The following IGSF9B variants were observed in gnomAD, a reference collection of about 807,000 sequenced individuals.
The protein encoded by IGSF9B is immunoglobulin superfamily member 9B.
IGSF9B carries 48 observed loss-of-function variants against 143.7 expected under a neutral mutation model. That is an observed-to-expected ratio of 0.33 (90% CI 0.26 to 0.42). The LOEUF (loss-of-function observed/expected upper bound fraction) is 0.42, where lower values mean the gene tolerates loss of function less well. IGSF9B is among the 20% of genes least tolerant of loss of function. The pLI is 1.00. For missense variants in IGSF9B, 1,706 were observed against 1,980.0 expected, an observed-to-expected ratio of 0.86 and a Z score of 2.63; for synonymous variants, 903 against 833.1, an observed-to-expected ratio of 1.08 and a Z score of -1.44.
chr11:133,922,753 T>TCATGG, intron 15 of IGSF9B, 23 bp from the exon 16 acceptor site: 3 of 1,536,796 alleles, frequency 2.0e-6, no homozygotes, highest in Non-Finnish European at 2.6e-6. Flanking sequence ...TGGGGAGCAC[T>TCATGG]CATGAGCCCA....
At position 133,903,392 on chromosome 11, in the gene IGSF9B, G is replaced by A. The variant is rs148349315; in HGVS notation, c.*5677C>T. 5.1e-4 allele frequency among the ~76,000 whole-genome samples: 78 copies of A among 152,276 alleles called. No homozygotes were observed. Among genetic ancestry groups the A allele is most frequent in the African/African-American group, 1.7e-3 (72 of 41,542 alleles). ...CTCTCCCAGCCAGGGCTCCAAAGCC[G>A]GTAGCTTTTCACCAGCTCTCGTCCG... On this transcript the variant is annotated 3_prime_UTR_variant, in exon 20 of 20. Coordinates refer to ENST00000533871, the MANE Select transcript of IGSF9B (RefSeq NM_001277285.4).
rs1443098122 is a variant in IGSF9B, at chr11:133,926,896, A to G, written c.1807+20T>C. The stretch of plus-strand genomic sequence containing the variant: ...CACCTCTACAACCCCCGCTCCCAAC[A>G]TCCCACCCCGGGCCCTCACCTAAAG... On this transcript the variant is annotated intron_variant, in intron 13 of 19. Coordinates refer to ENST00000533871, the MANE Select transcript of IGSF9B (RefSeq NM_001277285.4). 1 of 1,556,910 alleles carries G rather than the reference A, an allele frequency of 6.4e-7. No individual in the cohort carries two copies. The highest frequency in any genetic ancestry group is 8.7e-7 in the Non-Finnish European group (1 of 1,145,534).
intron 19 of IGSF9B, among the ~76,000 whole-genome samples, chr11:133,910,699 G>A (rs1378820361): frequency 6.6e-6 from 1 of 152,206 alleles, no homozygotes; most frequent in East Asian, 1.9e-4. Flanking sequence ...CTGGGCTAAA[G>A]ACAGACATTT....
intron 16 of IGSF9B, 84 bp downstream of exon 16, chr11:133,922,485 C>T (rs1939559054): frequency 1.5e-6 from 2 of 1,329,540 alleles, no homozygotes; most frequent in South Asian, 2.7e-5. Flanking sequence ...CCAAGGGGGG[C>T]CATGCTAAAA....
intron 1 of IGSF9B, among the ~76,000 whole-genome samples, chr11:133,949,473 G>T (rs1273369270): frequency 6.6e-6 from 1 of 152,130 alleles, no homozygotes; most frequent in Non-Finnish European, 1.5e-5. Context: ...AATCAGGCTA[G>T]CAGTAAAGAG....
rs781389593 is a variant in IGSF9B, at chr11:133,920,079, G to A, written c.3646C>T (p.Pro1216Ser). 1.0e-5 allele frequency: 16 copies of A among 1,532,316 alleles called. No homozygotes were observed. The highest frequency in any genetic ancestry group is 2.3e-5 in the East Asian group (1 of 44,072). The allele number at this position is 1,532,316 out of a possible 1,614,324, so 94.9% of individuals were successfully genotyped here. ...QSPLSSRTGS[P>S]ELAARARPRP... The stretch of plus-strand genomic sequence containing the variant: ...GGCCGGGCACGGGCGGCGAGCTCAG[G>A]GGAGCCGGTGCGGGAGCTGAGGGGG... The change falls in exon 18 of 20, where the codon CCT becomes TCT. Residue 1216 changes from proline to serine, a missense_variant. Transcript: ENST00000533871.
chr11:133,944,365 G>T lies in IGSF9B; in HGVS notation c.264C>A (p.Gly88=). 1 of 1,613,176 alleles carries T rather than the reference G, an allele frequency of 6.2e-7. No individual in the cohort carries two copies. The highest frequency in any genetic ancestry group is 8.5e-7 in the Non-Finnish European group (1 of 1,179,800). Residue 88 remains glycine, a splice_region_variant and synonymous_variant, in exon 3 of 20, where the codon GGC becomes GGA. Coordinates refer to ENST00000533871, the MANE Select transcript of IGSF9B (RefSeq NM_001277285.4). ...YPPHVDPEYA[G]RASLHDKASL... ...ATGCCTTATCATGAAGACTGGCCCG[G>T]CCTGGGGGAATAGAGCAGACAAAAG...
rs1441074925 is a variant in IGSF9B at position 133,897,624 on chromosome 11, A to G, written c.*11445T>C. Reference sequence around the variant, plus strand: ...ACAGACAGGTTATACAGAGTGTAGAATATGTTCATATAAGGCTTTGGTACA... The same window carrying G: ...ACAGACAGGTTATACAGAGTGTAGAGTATGTTCATATAAGGCTTTGGTACA... On this transcript the variant is annotated 3_prime_UTR_variant, in exon 20 of 20. Transcript: ENST00000533871. 3.3e-5 allele frequency: 5 copies of G among 152,152 alleles called. No homozygotes were observed. The highest frequency in any genetic ancestry group is 7.4e-5 in the Non-Finnish European group (5 of 68,026). 9.4% of individuals were successfully genotyped at this position (152,152 alleles called of 1,614,324 possible). A position where few individuals can be genotyped will look rare whatever the true frequency, so the allele number is the denominator to read the frequency against.
intron 5 of IGSF9B, among the ~76,000 whole-genome samples, chr11:133,936,474 A>ACT: frequency 6.6e-6 from 1 of 152,042 alleles, no homozygotes; most frequent in South Asian, 2.1e-4. Flanking sequence ...GAGAAAGGCA[A>ACT]CTCTTTTCAA....
chr11:133,942,717 T>C (rs1939973874), intron 3 of IGSF9B, among the ~76,000 whole-genome samples: 1 of 152,218 alleles, frequency 6.6e-6, no homozygotes, highest in Non-Finnish European at 1.5e-5. Flanking sequence ...TTTGCCTTCC[T>C]AATTACACTT....
intron 4 of IGSF9B, 26 bp downstream of exon 4, chr11:133,937,784 C>T (rs769791989): frequency 3.7e-6 from 6 of 1,601,022 alleles, no homozygotes; most frequent in Non-Finnish European, 4.3e-6. Flanking sequence ...GAGACCGCAG[C>T]GGCCCCAACC....
At chr11:133,916,999 G>A (rs1939395864) in intron 18 of IGSF9B, among the ~76,000 whole-genome samples, 1 of 152,184 alleles carries the variant, frequency 6.6e-6, no homozygotes, top group Admixed American at 6.5e-5. Flanking sequence ...TATAGCTACA[G>A]ATGGTAAAGA....
chr11:133,909,761 TG>T lies in IGSF9B; in HGVS notation c.4106-485del, dbSNP rs1939272284. Among the ~76,000 whole-genome samples, 1 of 152,222 alleles carries T rather than the reference TG, an allele frequency of 6.6e-6. No homozygotes were observed. The highest frequency in any genetic ancestry group is 2.4e-5 in the African/African-American group (1 of 41,440). ...CCTCTCCTCTGCCTCATGGCCCTTC[TG>T]GAGATTAATCAGGAATGCCTTTGCT... is the stretch of plus-strand genomic sequence containing the variant. On this transcript the variant is annotated intron_variant, in intron 19 of 19. Transcript: ENST00000533871. The surrounding 1 kb of genome is among the most constrained non-coding windows in gnomAD (Gnocchi z 4.2).
intron 1 of IGSF9B, chr11:133,952,320 G>A (rs1940175178): frequency 1.5e-5 from 4 of 267,864 alleles, no homozygotes; most frequent in African/African-American, 8.8e-5. Context: ...CACACCCTCA[G>A]GGAGACAGAG....
chr11:133,940,680 C>T (rs765048814), intron 3 of IGSF9B, among the ~76,000 whole-genome samples: 6 of 148,764 alleles, frequency 4.0e-5, no homozygotes, highest in East Asian at 2.0e-4. Context: ...CGTCCTCGCA[C>T]GTGTCATCAC....
rs1939182456 is a variant in IGSF9B at position 133,904,356 on chromosome 11, C to A, written c.*4713G>T. On this transcript the variant is annotated 3_prime_UTR_variant, in exon 20 of 20. Coordinates refer to ENST00000533871, the MANE Select transcript of IGSF9B (RefSeq NM_001277285.4). The stretch of plus-strand genomic sequence containing the variant: ...CAAGACAAGTTTCTCAGCTTTGGGC[C>A]TGAGGAGCCCCCAAAACAAATGAAG... Among the ~76,000 whole-genome samples, 1 of 152,204 alleles carries A rather than the reference C, an allele frequency of 6.6e-6. No homozygotes were observed. Among genetic ancestry groups the A allele is most frequent in the Admixed American group, 6.5e-5 (1 of 15,282 alleles).
intron 3 of IGSF9B, among the ~76,000 whole-genome samples, chr11:133,939,267 T>A (rs1478542361): frequency 6.6e-6 from 1 of 152,018 alleles, no homozygotes; most frequent in Non-Finnish European, 1.5e-5. Context: ...AATGCTGCCT[T>A]ACCTGGGCAG....
At position 133,902,340 on chromosome 11, in the gene IGSF9B, CCA is replaced by C. The variant is rs887290538; in HGVS notation, c.*6727_*6728del. ...ACACACACACCATACCACACACACC[CCA>C]CACACATACACAACCACACAATAGA... On this transcript the variant is annotated 3_prime_UTR_variant, in exon 20 of 20. Transcript: ENST00000533871. Among the ~76,000 whole-genome samples, 3 of 147,366 alleles carry C rather than the reference CCA, an allele frequency of 2.0e-5. No homozygotes were observed. The highest frequency in any genetic ancestry group is 6.8e-5 in the Admixed American group (1 of 14,758).
chr11:133,923,496 C>A (rs1482193598), intron 15 of IGSF9B, among the ~76,000 whole-genome samples: 1 of 152,206 alleles, frequency 6.6e-6, no homozygotes, highest in Non-Finnish European at 1.5e-5. Context: ...CTCGTTATGA[C>A]CGAGCCAAGA....
Sources: gnomAD v4.1 joint callset for allele counts (sites outside exome capture counted in the v4.1 genomes callset) on GRCh38, gnomAD v4.1.1 for gene constraint, Gnocchi (gnomAD v3.1) non-coding constraint, MANE v1.5 for transcripts, NCBI Gene and HGNC (gene_info 2026-07-23, HGNC 2026-07-21) for gene names.